Variants in AGPAT4 observed in about 807,000 individuals in gnomAD.
AGPAT4 encodes 1-acyl-sn-glycerol-3-phosphate acyltransferase delta.
AGPAT4 carries 15 observed loss-of-function variants against 48.0 expected under a neutral mutation model. The ratio of observed to expected loss-of-function variants is 0.31; its 90% CI spans 0.21 to 0.48. The LOEUF is 0.48. Ranked by LOEUF, AGPAT4 falls within the 20% of genes least tolerant of loss-of-function variation. The pLI is 0.99. For synonymous variants in AGPAT4, 178 were observed against 198.7 expected, an observed-to-expected ratio of 0.90 and a Z score of 0.88; for missense variants, 314 against 482.5, an observed-to-expected ratio of 0.65 and a Z score of 3.27.
At position 161,227,076 on chromosome 6, in the gene AGPAT4, C is replaced by T. The variant is rs79471470; in HGVS notation, c.178+4960G>A. Among the ~76,000 whole-genome samples, 1,382 of 152,320 alleles carry T rather than the reference C, an allele frequency of 9.1e-3. 18 individuals carry two copies. Among genetic ancestry groups the T allele is most frequent in the African/African-American group, 0.032 (1,320 of 41,566 alleles). On this transcript the variant is annotated intron_variant, in intron 2 of 8. Coordinates refer to ENST00000320285, the MANE Select transcript of AGPAT4 (RefSeq NM_020133.3). ...CACCTAGCAGGTCAGCTAGCAGTCA[C>T]ACACCTGGAGACAGTTTCCAGTGCT...
At position 161,226,327 on chromosome 6, in the gene AGPAT4, T is replaced by C. The variant is rs138135506; in HGVS notation, c.178+5709A>G. Among the ~76,000 whole-genome samples, 10 of 152,232 alleles carry C rather than the reference T, an allele frequency of 6.6e-5. No homozygotes were observed. Among genetic ancestry groups the C allele is most frequent in the African/African-American group, 1.7e-4 (7 of 41,528 alleles). ...CAAAGAGTGAAAACTCCTGCTTAGATTGAATTGAAATGAGAAAAAGCAGCC... is the reference window on the plus strand; with the variant it reads ...CAAAGAGTGAAAACTCCTGCTTAGACTGAATTGAAATGAGAAAAAGCAGCC... On this transcript the variant is annotated intron_variant, in intron 2 of 8. Transcript: ENST00000320285. This position sits in a 1 kb window ranked among gnomAD's most constrained non-coding sequence, Gnocchi z 6.3.
chr6:161,237,759 T>C (rs1446540562), intron 1 of AGPAT4, among the ~76,000 whole-genome samples: 6 of 152,138 alleles, frequency 3.9e-5, no homozygotes, highest in African/African-American at 1.4e-4. Context: ...TCATCCTTTT[T>C]TACGACGAGA....
chr6:161,181,502 G>T (rs1451473102), intron 2 of AGPAT4, among the ~76,000 whole-genome samples: 1 of 147,694 alleles, frequency 6.8e-6, no homozygotes, highest in Non-Finnish European at 1.5e-5. Context: ...GGTGGGGGTA[G>T]CAGGGGGCGG....
Position 161,146,619 on chromosome 6 carries a change from C to CT in AGPAT4, c.768-21dup, listed in dbSNP as rs1224111110. 1 of 1,613,400 alleles carries CT rather than the reference C, an allele frequency of 6.2e-7. No homozygotes were observed. Among genetic ancestry groups the CT allele is most frequent in the Non-Finnish European group, 8.5e-7 (1 of 1,179,496 alleles). ...ATCCTCCTGCAAAGGCAGAGAGCAG[C>CT]TAGCAGAGAGGAGGTGATGCCCCCC... On this transcript the variant is annotated intron_variant, in intron 6 of 8. Transcript: ENST00000320285. The surrounding 1 kb of genome is among the most constrained non-coding windows in gnomAD (Gnocchi z 7.1).
chr6:161,170,735 T>A (rs1007625722), intron 2 of AGPAT4, among the ~76,000 whole-genome samples: 1 of 152,208 alleles, frequency 6.6e-6, no homozygotes, highest in Non-Finnish European at 1.5e-5. Flanking sequence ...TGAAGAGCCC[T>A]ACAGGAGCTG....
chr6:161,133,813 G>A lies in AGPAT4; in HGVS notation c.*2727C>T, dbSNP rs1230039266. ...AAGCTAGAATGAGATGGAAAGGTGG[G>A]AAAGACAGACAGGAAGTGTAGCTCT... On this transcript the variant is annotated 3_prime_UTR_variant, in exon 9 of 9. Coordinates refer to ENST00000320285, the MANE Select transcript of AGPAT4 (RefSeq NM_020133.3). 1 of 152,180 alleles carries A rather than the reference G, an allele frequency of 6.6e-6. No individual in the cohort carries two copies. Among genetic ancestry groups the A allele is most frequent in the Non-Finnish European group, 1.5e-5 (1 of 68,026 alleles). The allele number at this position is 152,180 out of a possible 1,614,324, so 9.4% of individuals were successfully genotyped here. A position where few individuals can be genotyped will look rare whatever the true frequency, so the allele number is the denominator to read the frequency against.
In AGPAT4 at chr6:161,144,454, G is replaced by C. The variant is rs978929713; in HGVS notation, c.843+2070C>G. ...ATCATTTAAATGTGAACATAGTTTAGAGGAAAACACCCTAAGAGACTTTTA... is the reference window on the plus strand; with the variant it reads ...ATCATTTAAATGTGAACATAGTTTACAGGAAAACACCCTAAGAGACTTTTA... On this transcript the variant is annotated intron_variant, in intron 7 of 8. Transcript: ENST00000320285. This position sits in a 1 kb window ranked among gnomAD's most constrained non-coding sequence, Gnocchi z 6.6. Among the ~76,000 whole-genome samples, 9 of 152,250 alleles carry C rather than the reference G, an allele frequency of 5.9e-5. No individual in the cohort carries two copies. The East Asian group carries it at 1.5e-3, about 26-fold the overall frequency.
Position 161,212,835 on chromosome 6 carries a change from T to C in AGPAT4, c.178+19201A>G, listed in dbSNP as rs115197222. On this transcript the variant is annotated intron_variant, in intron 2 of 8. Transcript: ENST00000320285. This position sits in a 1 kb window ranked among gnomAD's most constrained non-coding sequence, Gnocchi z 6.1. ...ACAGGTGTTCTTAAATGCAGGTTTCTGATAACTAACTTATAACAATACAGT... is the reference window on the plus strand; with the variant it reads ...ACAGGTGTTCTTAAATGCAGGTTTCCGATAACTAACTTATAACAATACAGT... 7.8e-3 allele frequency among the ~76,000 whole-genome samples: 1,191 copies of C among 152,366 alleles called. 18 individuals carry two copies. The highest frequency in any genetic ancestry group is 0.028 in the African/African-American group (1,144 of 41,582).
At chr6:161,160,651 G>A (rs1227302703) in intron 3 of AGPAT4, 3 of 259,862 alleles carry the variant, frequency 1.2e-5, no homozygotes, top group African/African-American at 6.5e-5. Context: ...GAAGCAGCAG[G>A]ATACTGATCA....
rs1002612546 is a variant in AGPAT4, at chr6:161,155,003, A to G, written c.349-693T>C. Reference sequence around the variant, plus strand: ...CTGGGAGTAAAACCCAGACCAGGAGATGTGCTCGGTGCCCTCCACACCCGC... The same window carrying G: ...CTGGGAGTAAAACCCAGACCAGGAGGTGTGCTCGGTGCCCTCCACACCCGC... On this transcript the variant is annotated intron_variant, in intron 3 of 8. Transcript: ENST00000320285. The surrounding 1 kb of genome is among the most constrained non-coding windows in gnomAD (Gnocchi z 5.8). Among the ~76,000 whole-genome samples the G allele has an allele frequency of 2.6e-5, 4 of 152,154 alleles. No homozygotes were observed. Among genetic ancestry groups the G allele is most frequent in the African/African-American group, 9.7e-5 (4 of 41,438 alleles).
In AGPAT4 at chr6:161,142,148, C is replaced by T. The variant is rs1467881583; in HGVS notation, c.844-2528G>A. On this transcript the variant is annotated intron_variant, in intron 7 of 8. Coordinates refer to ENST00000320285, the MANE Select transcript of AGPAT4 (RefSeq NM_020133.3). The surrounding 1 kb of genome is among the most constrained non-coding windows in gnomAD (Gnocchi z 6.4). ...GGATTACAGGCGTGAGCCATTGCGC[C>T]CAGCCCCATTCACTTTAAAGTTTTC... is the stretch of plus-strand genomic sequence containing the variant. Among the ~76,000 whole-genome samples the T allele has an allele frequency of 6.6e-6, 1 of 152,216 alleles. No homozygotes were observed. The highest frequency in any genetic ancestry group is 2.4e-5 in the African/African-American group (1 of 41,456).
Position 161,219,916 on chromosome 6 carries a change from CGGCAGGCAGGCA to C in AGPAT4, c.178+12108_178+12119del, listed in dbSNP as rs71558034. Reference sequence around the variant, plus strand: ...GCAGGCAGGCAGGCAGGCAGGCAGGCGGCAGGCAGGCAGGCAGGCAGGCAGGCAGGCAGACAG... The same window carrying C: ...GCAGGCAGGCAGGCAGGCAGGCAGGCGGCAGGCAGGCAGGCAGGCAGACAG... On this transcript the variant is annotated intron_variant, in intron 2 of 8. Transcript: ENST00000320285. The surrounding 1 kb of genome is among the most constrained non-coding windows in gnomAD (Gnocchi z 4.9). Among the ~76,000 whole-genome samples the C allele has an allele frequency of 9.4e-6, 1 of 105,988 alleles. No individual in the cohort carries two copies. The highest frequency in any genetic ancestry group is 3.6e-5 in the African/African-American group (1 of 27,446). 69.5% of individuals were successfully genotyped at this position (105,988 alleles called of 152,430 possible).
At position 161,215,842 on chromosome 6, in the gene AGPAT4, G is replaced by A. The variant is rs13212549; in HGVS notation, c.178+16194C>T. 0.1 allele frequency among the ~76,000 whole-genome samples: 15,376 copies of A among 151,920 alleles called. 807 individuals are homozygous for A. The highest frequency in any genetic ancestry group is 0.12 in the Non-Finnish European group (8,449 of 67,952). ...GGTAGATATACCCATTATTTTATTCGTAATACAGCATTACCTTTCAAACTA... is the reference window on the plus strand; with the variant it reads ...GGTAGATATACCCATTATTTTATTCATAATACAGCATTACCTTTCAAACTA... On this transcript the variant is annotated intron_variant, in intron 2 of 8. Transcript: ENST00000320285. This position sits in a 1 kb window ranked among gnomAD's most constrained non-coding sequence, Gnocchi z 4.5.
At position 161,131,101 on chromosome 6, in the gene AGPAT4, ATGTC is replaced by A; in HGVS notation, c.*5435_*5438del. The A allele has an allele frequency of 3.4e-6, 1 of 294,654 alleles. No homozygotes were observed. Among genetic ancestry groups the A allele is most frequent in the Non-Finnish European group, 6.9e-6 (1 of 144,386 alleles). The allele number at this position is 294,654 out of a possible 1,614,324, so 18.3% of individuals were successfully genotyped here. On this transcript the variant is annotated 3_prime_UTR_variant, in exon 9 of 9. Transcript: ENST00000320285. ...TTCAGCAGAACCAGAGGTGCCAGAA[ATGTC>A]AAAAAATATCTAGTCATTCCAATAT...
chr6:161,233,350 G>A lies in AGPAT4; in HGVS notation c.-89-1048C>T, dbSNP rs532241618. ...AAGGAAAGCTGTGAGCAGCGGACTCGCTTTTCCTGGAAGCAGAAGAGCCTG... is the reference window on the plus strand; with the variant it reads ...AAGGAAAGCTGTGAGCAGCGGACTCACTTTTCCTGGAAGCAGAAGAGCCTG... On this transcript the variant is annotated intron_variant, in intron 1 of 8. Coordinates refer to ENST00000320285, the MANE Select transcript of AGPAT4 (RefSeq NM_020133.3). This position sits in a 1 kb window ranked among gnomAD's most constrained non-coding sequence, Gnocchi z 5.4. Among the ~76,000 whole-genome samples, 1 of 152,340 alleles carries A rather than the reference G, an allele frequency of 6.6e-6. No homozygotes were observed. Among genetic ancestry groups the A allele is most frequent in the East Asian group, 1.9e-4 (1 of 5,190 alleles).
rs1282495497 is a variant in AGPAT4 at position 161,215,253 on chromosome 6, T to C, written c.178+16783A>G. The stretch of plus-strand genomic sequence containing the variant: ...CATACACTGCATGTGTTGTAATCTG[T>C]TGCCTAGTTAGCAAATGTTTCTGTA... On this transcript the variant is annotated intron_variant, in intron 2 of 8. Transcript: ENST00000320285. This position sits in a 1 kb window ranked among gnomAD's most constrained non-coding sequence, Gnocchi z 4.5. Among the ~76,000 whole-genome samples, 1 of 152,226 alleles carries C rather than the reference T, an allele frequency of 6.6e-6. No homozygotes were observed. The highest frequency in any genetic ancestry group is 2.4e-5 in the African/African-American group (1 of 41,462).
rs139201531 is a variant in AGPAT4, at chr6:161,255,036, C to T, written c.-90+18902G>A. ...CATTGCAGAGCCAGATACGGTTACA[C>T]AGCCCTTCTGAAGCAAAGATACACT... On this transcript the variant is annotated intron_variant, in intron 1 of 8. Coordinates refer to ENST00000320285, the MANE Select transcript of AGPAT4 (RefSeq NM_020133.3). The surrounding 1 kb of genome is among the most constrained non-coding windows in gnomAD (Gnocchi z 4.7). Among the ~76,000 whole-genome samples the T allele has an allele frequency of 1.3e-5, 2 of 152,178 alleles. No homozygotes were observed. Among genetic ancestry groups the T allele is most frequent in the Admixed American group, 6.5e-5 (1 of 15,270 alleles).
Position 161,146,423 on chromosome 6 carries a change from A to T in AGPAT4, c.843+101T>A. 1 of 1,089,532 alleles carries T rather than the reference A, an allele frequency of 9.2e-7. No homozygotes were observed. The highest frequency in any genetic ancestry group is 1.3e-6 in the Non-Finnish European group (1 of 740,784). 67.5% of individuals were successfully genotyped at this position (1,089,532 alleles called of 1,614,324 possible). A position where few individuals can be genotyped will look rare whatever the true frequency, so the allele number is the denominator to read the frequency against. ...AGACTCACTAATAACTGGCTCTGTG[A>T]GATCTCGCCCACCGGAGAAAGGCCT... is the stretch of plus-strand genomic sequence containing the variant. On this transcript the variant is annotated intron_variant, in intron 7 of 8. Transcript: ENST00000320285. The surrounding 1 kb of genome is among the most constrained non-coding windows in gnomAD (Gnocchi z 7.1).
At chr6:161,182,029 G>A (rs1229444535) in intron 2 of AGPAT4, among the ~76,000 whole-genome samples, 2 of 152,114 alleles carry the variant, frequency 1.3e-5, no homozygotes, top group Non-Finnish European at 1.5e-5. Context: ...GTTCCTTAGA[G>A]GGGAAATGAT....
Sources: gnomAD v4.1 joint callset for allele counts (sites outside exome capture counted in the v4.1 genomes callset) on GRCh38, gnomAD v4.1.1 for gene constraint, Gnocchi (gnomAD v3.1) non-coding constraint, MANE v1.5 for transcripts, NCBI Gene and HGNC (gene_info 2026-07-23, HGNC 2026-07-21) for gene names.